Variants in MUC15 observed in about 807,000 individuals in gnomAD.
MUC15 encodes mucin 15, cell surface associated, also known as mucin-15.
In MUC15, 23 loss-of-function variants were observed where a neutral mutation model predicts 24.0. That is an observed-to-expected ratio of 0.96 (90% CI 0.69 to 1.36). The LOEUF (loss-of-function observed/expected upper bound fraction) is 1.36. Among genes scored for constraint, MUC15 ranks in the 40% most tolerant of loss-of-function variants. The probability of loss-of-function intolerance (pLI) is 0.00; values close to 1 mark genes in which losing one functional copy is unlikely to be tolerated. For missense variants in MUC15, 442 were observed against 428.2 expected, an observed-to-expected ratio of 1.03 and a Z score of -0.29; for synonymous variants, 151 against 156.3, an observed-to-expected ratio of 0.97 and a Z score of 0.25.
chr11:26,559,835 TACACACACACACACACACACAC>T lies in MUC15; in HGVS notation c.*1208_*1229del. The T allele has an allele frequency of 1.2e-5, 8 of 660,908 alleles. No homozygotes were observed. Among genetic ancestry groups the T allele is most frequent in the South Asian group, 5.3e-5 (3 of 56,554 alleles). The allele number at this position is 660,908 out of a possible 1,614,324, so 40.9% of individuals were successfully genotyped here. A position where few individuals can be genotyped will look rare whatever the true frequency, so the allele number is the denominator to read the frequency against. ...TTATTTTCTGAAGCTGTTTCTGTGT[TACACACACACACACACACACAC>T]ACACACACACACACACACCATGAAT... is the stretch of plus-strand genomic sequence containing the variant. On this transcript the variant is annotated 3_prime_UTR_variant, in exon 5 of 5. Coordinates refer to ENST00000529533, the MANE Select transcript of MUC15 (RefSeq NM_001135091.2).
intron 3 of MUC15, 151 bp downstream of exon 3, chr11:26,565,014 A>G (rs1465235661): frequency 2.9e-6 from 2 of 682,456 alleles, no homozygotes; most frequent in African/African-American, 3.7e-5. Flanking sequence ...ATTTCTAGTG[A>G]CTATAATGAT....
intron 1 of MUC15, among the ~76,000 whole-genome samples, chr11:26,570,476 C>T (rs1850779488): frequency 6.6e-6 from 1 of 152,050 alleles, no homozygotes; most frequent in Non-Finnish European, 1.5e-5. Context: ...AAGGAGATGT[C>T]CTGGTTTATG....
intron 3 of MUC15, among the ~76,000 whole-genome samples, chr11:26,564,564 T>C (rs991738511): frequency 6.7e-5 from 10 of 149,750 alleles, no homozygotes; most frequent in African/African-American, 2.0e-4. Context: ...ATGGAAAAGA[T>C]TGACATAATC....
intron 3 of MUC15, among the ~76,000 whole-genome samples, chr11:26,564,504 T>C (rs1850438508): frequency 6.6e-6 from 1 of 150,650 alleles, no homozygotes; most frequent in Non-Finnish European, 1.5e-5. Flanking sequence ...TAAAACTTAG[T>C]TATTTTTTTT....
Position 26,559,867 on chromosome 11 carries a change from CA to C in MUC15, c.*1197del, listed in dbSNP as rs1850217365. ...ACACACACACACACACACACACACACACACACACCATGAATCAATTCAAAAA... is the reference window on the plus strand; with the variant it reads ...ACACACACACACACACACACACACACCACACACCATGAATCAATTCAAAAA... On this transcript the variant is annotated 3_prime_UTR_variant, in exon 5 of 5. Transcript: ENST00000529533. 5 of 877,380 alleles carry C rather than the reference CA, an allele frequency of 5.7e-6. No homozygotes were observed. Among genetic ancestry groups the C allele is most frequent in the East Asian group, 2.5e-5 (1 of 40,048 alleles). The allele number at this position is 877,380 out of a possible 1,614,324, so 54.3% of individuals were successfully genotyped here.
chr11:26,566,216 T>TA (rs1363279151), intron 2 of MUC15, among the ~76,000 whole-genome samples: 2 of 151,946 alleles, frequency 1.3e-5, no homozygotes, highest in African/African-American at 2.4e-5. Flanking sequence ...CACTCACACA[T>TA]ACACGTATAT....
In MUC15 at chr11:26,565,581, G is replaced by A. The variant is rs142118064; in HGVS notation, c.359C>T (p.Ala120Val). The A allele has an allele frequency of 6.2e-7, 1 of 1,613,350 alleles. No individual in the cohort carries two copies. Among genetic ancestry groups the A allele is most frequent in the Non-Finnish European group, 8.5e-7 (1 of 1,179,560 alleles). ...TTTTAGACTGCCCAAAGAATGCTCT[G>A]CTGATGAGTTACTGGAGAAATCTGT... The part of the protein sequence containing the change: ...GITDFSSNSS[A>V]EHSLGSLKPT... Residue 120 changes from alanine (A) to valine (V), a missense_variant, in exon 3 of 5, where the codon GCA (alanine) becomes GTA (valine). Coordinates refer to ENST00000529533, the MANE Select transcript of MUC15 (RefSeq NM_001135091.2).
rs1396860368 is a variant in MUC15 at position 26,559,657 on chromosome 11, G to A, written c.*1408C>T. On this transcript the variant is annotated 3_prime_UTR_variant, in exon 5 of 5. Coordinates refer to ENST00000529533, the MANE Select transcript of MUC15 (RefSeq NM_001135091.2). ...AAATCATAGTACCTGAGTGCAAACA[G>A]TATTCACTGGCTTATTATAATCAAT... is the stretch of plus-strand genomic sequence containing the variant. 9.4e-6 allele frequency: 11 copies of A among 1,164,272 alleles called. No individual in the cohort carries two copies. The highest frequency in any genetic ancestry group is 1.3e-5 in the Non-Finnish European group (10 of 771,442). The allele number at this position is 1,164,272 out of a possible 1,614,324, so 72.1% of individuals were successfully genotyped here.
rs66510170 is a variant in MUC15, at chr11:26,564,732, C to CATAT, written c.775+429_775+432dup. On this transcript the variant is annotated intron_variant, in intron 3 of 4. Coordinates refer to ENST00000529533, the MANE Select transcript of MUC15 (RefSeq NM_001135091.2). Reference sequence around the variant, plus strand: ...ACACACACACACACACACACACACACATATATATATATATATATATATATA... The same window carrying CATAT: ...ACACACACACACACACACACACACACATATATATATATATATATATATATATATA... Among the ~76,000 whole-genome samples, 49 of 25,388 alleles carry CATAT rather than the reference C, an allele frequency of 1.9e-3. 1 individual carries two copies. Among genetic ancestry groups the CATAT allele is most frequent in the East Asian group, 7.3e-3 (3 of 410 alleles). 16.7% of individuals were successfully genotyped at this position (25,388 alleles called of 152,430 possible).
In MUC15 at chr11:26,559,205, A is replaced by T. The variant is rs985338547; in HGVS notation, c.*1860T>A. On this transcript the variant is annotated 3_prime_UTR_variant, in exon 5 of 5. Coordinates refer to ENST00000529533, the MANE Select transcript of MUC15 (RefSeq NM_001135091.2). ...AACTTTTAAAACAAATTAAGATGGG[A>T]TTTATTACATCTTATAGCCATTATT... 1.3e-5 allele frequency: 2 copies of T among 152,380 alleles called. No homozygotes were observed. The highest frequency in any genetic ancestry group is 4.8e-5 in the African/African-American group (2 of 41,464). 9.4% of individuals were successfully genotyped at this position (152,380 alleles called of 1,614,324 possible).
chr11:26,567,185 C>T lies in MUC15; in HGVS notation c.-45-46G>A. The T allele has an allele frequency of 2.5e-6, 3 of 1,217,460 alleles. No homozygotes were observed. In the East Asian group the frequency reaches 8.8e-5, roughly 36 times the overall value. The allele number at this position is 1,217,460 out of a possible 1,614,324, so 75.4% of individuals were successfully genotyped here. On this transcript the variant is annotated intron_variant, in intron 1 of 4. Transcript: ENST00000529533. ...TATTTAAAGCCAAGTCAACTGACTCCAATCTCATTAGAGGCTAAAATTTGC... is the reference window on the plus strand; with the variant it reads ...TATTTAAAGCCAAGTCAACTGACTCTAATCTCATTAGAGGCTAAAATTTGC...
At chr11:26,563,061 TC>T (rs1850356047) in intron 4 of MUC15, 54 bp downstream of exon 4, 8 of 1,586,912 alleles carry the variant, frequency 5.0e-6, no homozygotes, top group Non-Finnish European at 6.9e-6. Context: ...AACATTGGCA[TC>T]CTCATTTAAT....
At chr11:26,563,083 G>GT in intron 4 of MUC15, 33 bp downstream of exon 4, 1 of 1,605,534 alleles carries the variant, frequency 6.2e-7, no homozygotes, top group Non-Finnish European at 8.5e-7. Flanking sequence ...TAAAACCACT[G>GT]TGCCCAGGTG....
intron 3 of MUC15, 125 bp downstream of exon 3, chr11:26,565,040 A>C (rs2134266100): frequency 2.1e-6 from 2 of 972,624 alleles, no homozygotes; most frequent in Admixed American, 6.8e-5. Context: ...CTCAAAAGTG[A>C]GAAAATCCAT....
At chr11:26,566,221 G>A (rs918585520) in intron 2 of MUC15, among the ~76,000 whole-genome samples, 2 of 151,694 alleles carry the variant, frequency 1.3e-5, no homozygotes, top group Admixed American at 6.6e-5. Context: ...ACACATACAC[G>A]TATATTTAAA....
In MUC15 at chr11:26,565,379, A is replaced by C; in HGVS notation, c.561T>G (p.Thr187=). 1 of 1,613,226 alleles carries C rather than the reference A, an allele frequency of 6.2e-7. No individual in the cohort carries two copies. The highest frequency in any genetic ancestry group is 8.5e-7 in the Non-Finnish European group (1 of 1,179,476). ...TAACTGTAATGGAACTGTTATCAGG[A>C]GTTTTCACGGTGTCATTGACCAAAG... The part of the protein sequence containing the change: ...TWSLVNDTVK[T]PDNSSITVSI... The change falls in exon 3 of 5, where the codon ACT becomes ACG. Residue 187 remains threonine (T), a synonymous_variant. Transcript: ENST00000529533.
rs1340099717 is a variant in MUC15, at chr11:26,565,281, G to A, written c.659C>T (p.Thr220Ile). Residue 220 changes from threonine to isoleucine, a missense_variant, in exon 3 of 5, where the codon ACA becomes ATA. Transcript: ENST00000529533. ...LIVEPSGWLT[T>I]NSDSFTGFTP... ...AAACCCAGTGAAGCTATCACTGTTTGTGGTAAGCCATCCACTTGGTTCCAC... is the reference window on the plus strand; with the variant it reads ...AAACCCAGTGAAGCTATCACTGTTTATGGTAAGCCATCCACTTGGTTCCAC... The A allele has an allele frequency of 4.4e-6, 7 of 1,597,250 alleles. No homozygotes were observed. Among genetic ancestry groups the A allele is most frequent in the Middle Eastern group, 1.7e-4 (1 of 5,932 alleles).
chr11:26,567,032 T>C lies in MUC15; in HGVS notation c.43+20A>G. 1 of 1,475,786 alleles carries C rather than the reference T, an allele frequency of 6.8e-7. No homozygotes were observed. The highest frequency in any genetic ancestry group is 1.5e-5 in the South Asian group (1 of 68,786). The allele number at this position is 1,475,786 out of a possible 1,614,324, so 91.4% of individuals were successfully genotyped here. On this transcript the variant is annotated intron_variant, in intron 2 of 4. Transcript: ENST00000529533. The stretch of plus-strand genomic sequence containing the variant: ...CTTTTTGGTTACAAAGTTTACAGTA[T>C]CATCTTATTTGATACTTACAACAAT...
intron 3 of MUC15, among the ~76,000 whole-genome samples, chr11:26,564,690 TATACACACACAC>T (rs1487702661): frequency 1.6e-4 from 3 of 18,676 alleles, no homozygotes; most frequent in East Asian, 1.1e-3. Flanking sequence ...TACTCATATA[TATACACACACAC>T]ACACACACAC....
Sources: allele counts gnomAD v4.1 joint callset (sites outside exome capture counted in the v4.1 genomes callset), GRCh38; gene constraint gnomAD v4.1.1; transcripts MANE v1.5; gene names NCBI Gene and HGNC (gene_info 2026-07-23, HGNC 2026-07-21).